Variants in TTN observed in about 807,000 individuals in gnomAD.
The protein encoded by TTN is connectin.
Under a neutral mutation model 3,223.0 loss-of-function variants are expected in TTN, and 1,525 were observed. The observed-to-expected ratio is 0.47, with a 90% CI of 0.45 to 0.49. The LOEUF is 0.49. TTN is among the 20% of genes least tolerant of loss of function. The pLI is 0.00. For synonymous variants in TTN, 14,094 were observed against 15,161.0 expected, an observed-to-expected ratio of 0.93 and a Z score of 5.17; for missense variants, 40,786 against 43,424.0, an observed-to-expected ratio of 0.94 and a Z score of 5.40.
At position 178,664,697 on chromosome 2, in the gene TTN, C is replaced by T. The variant is rs773862719; in HGVS notation, c.36159G>A (p.Thr12053=). The T allele has an allele frequency of 1.6e-4, 254 of 1,612,268 alleles. No individual in the cohort carries two copies. Among genetic ancestry groups the T allele is most frequent in the Non-Finnish European group, 2.0e-4 (236 of 1,179,682 alleles). ...CAGGCTTTCTGAGAGGAACCACAAG[C>T]GTTTTCTTTTCAGGGACAATTTCTT... ...ALQEIVPEKK[T]LVVPLRKPEV... is the part of the protein sequence containing the mutation. Residue 12053 remains threonine, a synonymous_variant, in exon 167 of 363, where the codon ACG becomes ACA. Coordinates refer to ENST00000589042, the MANE Select transcript of TTN (RefSeq NM_001267550.2).
intron 308 of TTN, among the ~76,000 whole-genome samples, chr2:178,586,056 C>A (rs2048886583): frequency 1.3e-5 from 2 of 152,104 alleles, no homozygotes; most frequent in Non-Finnish European, 2.9e-5. Flanking sequence ...ACACTCCCAC[C>A]AACAGTGTAA....
At chr2:178,762,885 A>G (rs2089579781) in intron 43 of TTN, among the ~76,000 whole-genome samples, 1 of 152,206 alleles carries the variant, frequency 6.6e-6, no homozygotes, top group African/African-American at 2.4e-5. Flanking sequence ...CTTTACATAC[A>G]TTATATCTTT....
rs2047368798 is a variant in TTN, at chr2:178,580,138, T to C, written c.67149A>G (p.Gly22383=). ...VTWEPPIIDG[G]SPIINYVVQK... ...GTACCACATAGTTTATGATGGGGCTTCCGCCATCAATAATGGGAGGCTCCC... is the reference window on the plus strand; with the variant it reads ...GTACCACATAGTTTATGATGGGGCTCCCGCCATCAATAATGGGAGGCTCCC... Residue 22383 remains glycine, a synonymous_variant, in exon 318 of 363, where the codon GGA becomes GGG. Transcript: ENST00000589042. The C allele has an allele frequency of 6.2e-7, 1 of 1,613,342 alleles. No homozygotes were observed. The highest frequency in any genetic ancestry group is 2.2e-5 in the East Asian group (1 of 44,782).
chr2:178,556,658 CAGTCA>C, intron 330 of TTN, 185 bp downstream of exon 330: 1 of 630,794 alleles, frequency 1.6e-6, no homozygotes, highest in East Asian at 2.8e-5. Flanking sequence ...TCTCACTTTA[CAGTCA>C]AGTCAAGAGG....
chr2:178,653,078 C>T lies in TTN; in HGVS notation c.38838G>A (p.Val12946=), dbSNP rs1309055884. The change falls in exon 199 of 363, where the codon GTG becomes GTA. Residue 12946 remains valine (V), a synonymous_variant. Transcript: ENST00000589042. ...GGACTTCAGGTTTTTTAGGAGGAGT[C>T]ACTGGCACTTTCTTTTCAGGAACAA... The part of the protein sequence containing the change: ...KEVVPEKKVP[V]TPPKKPEVPP... The T allele has an allele frequency of 6.2e-7, 1 of 1,613,120 alleles. No homozygotes were observed. Among genetic ancestry groups the T allele is most frequent in the African/African-American group, 1.3e-5 (1 of 74,836 alleles).
rs188271784 is a variant in TTN at position 178,551,592 on chromosome 2, A to G, written c.91270+38T>C. ...GATATATTTGTTTCTAATATGTTCA[A>G]TTGCTAAACTAAATGTATTTGAATA... On this transcript the variant is annotated intron_variant, in intron 335 of 362. Transcript: ENST00000589042. The G allele has an allele frequency of 8.7e-6, 13 of 1,488,602 alleles. No homozygotes were observed. In the East Asian group the frequency reaches 1.4e-4, roughly 16 times the overall value. The allele number at this position is 1,488,602 out of a possible 1,614,324, so 92.2% of individuals were successfully genotyped here. A position where few individuals can be genotyped will look rare whatever the true frequency, so the allele number is the denominator to read the frequency against.
intron 156 of TTN, 75 bp downstream of exon 156, chr2:178,671,015 C>A: frequency 9.1e-7 from 1 of 1,095,128 alleles, no homozygotes. Context: ...AAGTGGAATG[C>A]AAACTTGTGC....
At chr2:178,639,513 A>G (rs929877939) in intron 223 of TTN, among the ~76,000 whole-genome samples, 186 bp downstream of exon 223, 1 of 152,028 alleles carries the variant, frequency 6.6e-6, no homozygotes, top group African/African-American at 2.4e-5. Context: ...ATATTCACCC[A>G]CTGGGCAAGA....
rs780485428 is a variant in TTN, at chr2:178,592,005, T to C, written c.59899A>G (p.Lys19967Glu). ...AGAGGATCCAAAGCCTTGATTGGTTTTGGTGTTTCAACAAAAGGACCACGT... is the reference window on the plus strand; with the variant it reads ...AGAGGATCCAAAGCCTTGATTGGTTCTGGTGTTTCAACAAAAGGACCACGT... ...YGRGPFVETP[K>E]PIKALDPLHP... is the part of the protein sequence containing the mutation. Residue 19967 changes from lysine to glutamate, a missense_variant, in exon 302 of 363, where the codon AAA (lysine) becomes GAA (glutamate). Lys to Glu is a moderately conservative substitution (Grantham distance 56). Transcript: ENST00000589042. 7 of 1,613,018 alleles carry C rather than the reference T, an allele frequency of 4.3e-6. No individual in the cohort carries two copies. The highest frequency in any genetic ancestry group is 5.9e-6 in the Non-Finnish European group (7 of 1,179,460).
chr2:178,607,650 C>T lies in TTN; in HGVS notation c.53038G>A (p.Gly17680Ser). 1 of 1,612,992 alleles carries T rather than the reference C, an allele frequency of 6.2e-7. No homozygotes were observed. The highest frequency in any genetic ancestry group is 8.5e-7 in the Non-Finnish European group (1 of 1,179,352). The change falls in exon 277 of 363, where the codon GGT becomes AGT. Residue 17680 changes from glycine (G) to serine (S), a missense_variant. Physicochemically the swap from Gly to Ser is moderately conservative, Grantham distance 56. Transcript: ENST00000589042. ...TTCCCAGCCATTATTTGTATTCCAC[C>T]CTTGACAGAAACATCCAGTTCCACA... is the stretch of plus-strand genomic sequence containing the variant. ...PAVELDVSVK[G>S]GIQIMAGKTL... is the part of the protein sequence containing the mutation.
rs775159704 is a variant in TTN, at chr2:178,621,545, G to A, written c.45279C>T (p.His15093=). Residue 15093 remains histidine, a synonymous_variant, in exon 245 of 363, where the codon CAC becomes CAT. Transcript: ENST00000589042. The stretch of plus-strand genomic sequence containing the variant: ...AGTTGTAGTTGCCAGCATCCTCAAG[G>A]TGAGCGTTCTGAATGACCAGGATTC... ...RKRILVIQNA[H]LEDAGNYNCR... 11 of 1,612,492 alleles carry A rather than the reference G, an allele frequency of 6.8e-6. No individual in the cohort carries two copies. Among genetic ancestry groups the A allele is most frequent in the African/African-American group, 1.3e-5 (1 of 74,914 alleles).
rs1257976666 is a variant in TTN at position 178,541,410 on chromosome 2, A to G, written c.97667T>C (p.Met32556Thr). The part of the protein sequence containing the change: ...WVRVNKVPVT[M>T]TRYRSTGLTE... ...AAGGCCAGTGGAGCGGTACCGTGTCATTGTCACAGGTACTTTATTTACACG... is the reference window on the plus strand; with the variant it reads ...AAGGCCAGTGGAGCGGTACCGTGTCGTTGTCACAGGTACTTTATTTACACG... The change falls in exon 350 of 363, where the codon ATG becomes ACG. Residue 32556 changes from methionine (M) to threonine (T), a missense_variant. Met to Thr is a moderately conservative substitution (Grantham distance 81). Transcript: ENST00000589042. 6.2e-7 allele frequency: 1 copy of G among 1,613,184 alleles called. No individual in the cohort carries two copies. Among genetic ancestry groups the G allele is most frequent in the South Asian group, 1.1e-5 (1 of 90,916 alleles).
chr2:178,589,799 A>G lies in TTN; in HGVS notation c.61926T>C (p.Val20642=). 6.2e-7 allele frequency: 1 copy of G among 1,613,546 alleles called. No individual in the cohort carries two copies. The highest frequency in any genetic ancestry group is 8.5e-7 in the Non-Finnish European group (1 of 1,179,614). The change falls in exon 304 of 363, where the codon GTT becomes GTC. Residue 20642 remains valine (V), a synonymous_variant. Transcript: ENST00000589042. ...LLANNEYYFR[V]CAENKVGVGP... Reference sequence around the variant, plus strand: ...CAACACCTACTTTATTCTCTGCACAAACTCGGAAATAGTATTCATTGTTGG... The same window carrying G: ...CAACACCTACTTTATTCTCTGCACAGACTCGGAAATAGTATTCATTGTTGG...
Position 178,669,489 on chromosome 2 carries a change from A to T in TTN, c.35471-42T>A, listed in dbSNP as rs541211886. ...ATATTAATTGTTACAGATAACAAAT[A>T]TAAGATACGAAATACAAGGATTTAA... On this transcript the variant is annotated intron_variant, in intron 158 of 362. Coordinates refer to ENST00000589042, the MANE Select transcript of TTN (RefSeq NM_001267550.2). 50 of 1,573,230 alleles carry T rather than the reference A, an allele frequency of 3.2e-5. No homozygotes were observed. In the African/African-American group the frequency reaches 6.8e-4, roughly 21 times the overall value.
intron 250 of TTN, chr2:178,619,239 T>C (rs2057888789): frequency 5.6e-6 from 2 of 356,700 alleles, no homozygotes; most frequent in Non-Finnish European, 1.0e-5. Flanking sequence ...GGCTTTTTCA[T>C]AAGGACAGTG....
Position 178,592,489 on chromosome 2 carries a change from C to T in TTN, c.59516G>A (p.Gly19839Asp), listed in dbSNP as rs1256321814. The T allele has an allele frequency of 1.9e-6, 3 of 1,613,510 alleles. No homozygotes were observed. Among genetic ancestry groups the T allele is most frequent in the Admixed American group, 1.7e-5 (1 of 59,992 alleles). Residue 19839 changes from glycine to aspartate, a missense_variant, in exon 301 of 363, where the codon GGT becomes GAT. Physicochemically the swap from Gly to Asp is moderately conservative, Grantham distance 94. Transcript: ENST00000589042. Reference protein sequence around the residue: ...TKARIDVTPVGSKLEIRNAAH... With the variant: ...TKARIDVTPVDSKLEIRNAAH... ...AGCATTACGAATTTCAAGCTTGCTA[C>T]CAACTGGAGTCACATCAATTCTTGC...
intron 295 of TTN, 63 bp from the exon 296 acceptor site, chr2:178,594,709 G>A: frequency 7.5e-7 from 1 of 1,328,454 alleles, no homozygotes; most frequent in South Asian, 1.5e-5. Context: ...GTAGTAGGAT[G>A]TAGTGAATAT....
At position 178,554,631 on chromosome 2, in the gene TTN, T is replaced by G. The variant is rs982929672; in HGVS notation, c.88716A>C (p.Glu29572Asp). 2 of 1,613,808 alleles carry G rather than the reference T, an allele frequency of 1.2e-6. No individual in the cohort carries two copies. The highest frequency in any genetic ancestry group is 2.7e-5 in the African/African-American group (2 of 74,936). The change falls in exon 332 of 363, where the codon GAA becomes GAC. Residue 29572 changes from glutamate to aspartate, a missense_variant. Coordinates refer to ENST00000589042, the MANE Select transcript of TTN (RefSeq NM_001267550.2). Reference protein sequence around the residue: ...GGAKITHYIVEKRETSRVVWS... With the variant: ...GGAKITHYIVDKRETSRVVWS... Reference sequence around the variant, plus strand: ...ACACAACGCGGCTTGTCTCACGCTTTTCCACAATGTAGTGAGTGATTTTTG... The same window carrying G: ...ACACAACGCGGCTTGTCTCACGCTTGTCCACAATGTAGTGAGTGATTTTTG...
In TTN at chr2:178,579,404, G is replaced by A. The variant is rs1288550332; in HGVS notation, c.67637-11C>T. On this transcript the variant is annotated splice_polypyrimidine_tract_variant and intron_variant, in intron 319 of 362. Transcript: ENST00000589042. ...CAAGATCAGGAGCCACTGTAAAATA[G>A]CAGAGATAAATTACTGTTATTTTTA... The A allele has an allele frequency of 6.4e-7, 1 of 1,555,992 alleles. No homozygotes were observed. Among genetic ancestry groups the A allele is most frequent in the Non-Finnish European group, 8.6e-7 (1 of 1,160,564 alleles).
Sources: gnomAD v4.1 joint callset for allele counts (sites outside exome capture counted in the v4.1 genomes callset) on GRCh38, gnomAD v4.1.1 for gene constraint, MANE v1.5 for transcripts, NCBI Gene and HGNC (gene_info 2026-07-23, HGNC 2026-07-21) for gene names.